The following SF1 variants were observed in gnomAD, a reference collection of about 807,000 sequenced individuals.
SF1 encodes the protein splicing factor 1.
A neutral mutation model predicts 62.5 loss-of-function variants in SF1; 7 were observed. The ratio of observed to expected loss-of-function variants is 0.11; its 90% CI spans 0.06 to 0.21. The LOEUF is 0.21. SF1 is among the 10% of genes least tolerant of loss of function. SF1 has a pLI of 1.00. For missense variants in SF1, 578 were observed against 884.0 expected (o/e 0.65, Z 4.39); for synonymous variants, 394 against 323.6 (o/e 1.22, Z -2.33).
At chr11:64,777,780 G>GGCCCCCC in intron 1 of SF1, 4 of 445,328 alleles carry the variant, frequency 9.0e-6, no homozygotes, top group Non-Finnish European at 1.1e-5. Context: ...AGCGCCTCCC[G>GGCCCCCC]CCCGCCCAGC....
chr11:64,772,957 A>G (rs1028870890), intron 3 of SF1: 2 of 987,448 alleles, frequency 2.0e-6, no homozygotes, highest in African/African-American at 3.5e-5. Context: ...TTTTGAAACC[A>G]TCTCAAAACC....
chr11:64,769,773 T>C, intron 5 of SF1, 164 bp from the exon 6 acceptor site: 2 of 761,636 alleles, frequency 2.6e-6, no homozygotes, highest in Non-Finnish European at 2.1e-6. Context: ...ACAGTAAACC[T>C]GAGGATTTGA....
At chr11:64,775,119 A>C (rs1938976747) in intron 2 of SF1, among the ~76,000 whole-genome samples, 1 of 152,154 alleles carries the variant, frequency 6.6e-6, no homozygotes, top group Admixed American at 6.5e-5. Flanking sequence ...TCGAGGTGAA[A>C]GTCACCTTCA....
intron 8 of SF1, 146 bp downstream of exon 8, chr11:64,768,876 T>A: frequency 5.8e-6 from 4 of 692,480 alleles, no homozygotes; most frequent in Non-Finnish European, 1.1e-5. Flanking sequence ...TTTCTAATCA[T>A]CCTGGGCTTT....
intron 8 of SF1, 89 bp downstream of exon 8, chr11:64,768,933 G>T: frequency 1.1e-6 from 1 of 877,684 alleles, no homozygotes; most frequent in Non-Finnish European, 2.0e-6. Context: ...TGTTTCTCTT[G>T]GTAAGATTAA....
chr11:64,765,999 C>T lies in SF1; in HGVS notation c.1739G>A (p.Gly580Glu). The T allele has an allele frequency of 6.2e-7, 1 of 1,606,684 alleles. No individual in the cohort carries two copies. Among genetic ancestry groups the T allele is most frequent in the Non-Finnish European group, 8.5e-7 (1 of 1,177,362 alleles). ...TGGAGGCGGCGGAGGGGGAGGGGCC[C>T]CAGGCGGCAGAGGCGGCTGGACCCC... is the stretch of plus-strand genomic sequence containing the variant. ...PPGVQPPLPP[G>E]APPPPPPPPP... Residue 580 changes from glycine (G) to glutamate (E), a missense_variant, in exon 13 of 13, where the codon GGG (glycine) becomes GAG (glutamate). By Grantham distance (98) the Gly-to-Glu change is moderately conservative. Around this residue, in one of 7 missense-constraint regions of SF1, gnomAD observed 410 missense variants for 452.4 expected, o/e 0.91. Transcript: ENST00000377390.
Position 64,765,347 on chromosome 11 carries a change from G to T in SF1, c.*471C>A. 1 of 754,918 alleles carries T rather than the reference G, an allele frequency of 1.3e-6. No homozygotes were observed. The highest frequency in any genetic ancestry group is 1.6e-5 in the South Asian group (1 of 61,632). The allele number at this position is 754,918 out of a possible 1,614,324, so 46.8% of individuals were successfully genotyped here. On this transcript the variant is annotated 3_prime_UTR_variant, in exon 13 of 13. Transcript: ENST00000377390. ...AGAAAAAAATTAATAAAAATTTCAC[G>T]ATATGGAGCCAGCGTGTTCCGATTC... is the stretch of plus-strand genomic sequence containing the variant.
intron 1 of SF1, chr11:64,777,539 G>T: frequency 1.0e-6 from 1 of 985,452 alleles, no homozygotes; most frequent in South Asian, 4.7e-5. Context: ...AGAAGCAGAG[G>T]AGCTATCCTT....
chr11:64,769,746 C>G (rs1937991132), intron 5 of SF1, 137 bp from the exon 6 acceptor site: 2 of 829,396 alleles, frequency 2.4e-6, no homozygotes, highest in African/African-American at 3.4e-5. Flanking sequence ...TCCATGAACT[C>G]TATATTATGG....
chr11:64,768,148 G>A lies in SF1; in HGVS notation c.1026C>T (p.Ser342=), dbSNP rs753308456. The change falls in exon 9 of 13, where the codon AGC becomes AGT. Residue 342 remains serine, a synonymous_variant. Coordinates refer to ENST00000377390, the MANE Select transcript of SF1 (RefSeq NM_004630.4). ...TSGPATTPLA[S]APRPAAPANN... ...TGGCGGGAGCAGCAGGACGAGGTGC[G>A]CTGGCCAGGGGTGTGGTGGCAGGCC... 1.6e-5 allele frequency: 25 copies of A among 1,612,870 alleles called. No homozygotes were observed. Among genetic ancestry groups the A allele is most frequent in the Middle Eastern group, 1.6e-4 (1 of 6,080 alleles).
chr11:64,774,640 G>A (rs927454312), intron 2 of SF1, among the ~76,000 whole-genome samples: 2 of 152,110 alleles, frequency 1.3e-5, no homozygotes, highest in African/African-American at 4.8e-5. Context: ...CTAAAACCCT[G>A]AAGAAATGAA....
chr11:64,777,923 C>G (rs1273650050), intron 1 of SF1: 14 of 968,014 alleles, frequency 1.4e-5, no homozygotes, highest in Non-Finnish European at 1.6e-5. Flanking sequence ...GCCGCCGCCG[C>G]GCGCCCCTCA....
intron 3 of SF1, chr11:64,772,097 A>T (rs1178554041): frequency 1.0e-6 from 1 of 985,352 alleles, no homozygotes; most frequent in Non-Finnish European, 1.2e-6. Flanking sequence ...CAGAAGTGAA[A>T]GGCAAAAGCT....
rs1295629539 is a variant in SF1 at position 64,778,503 on chromosome 11, C to G, written c.-111G>C. 3 of 1,178,664 alleles carry G rather than the reference C, an allele frequency of 2.5e-6. No homozygotes were observed. In the East Asian group the frequency reaches 1.1e-4, roughly 43 times the overall value. 73.0% of individuals were successfully genotyped at this position (1,178,664 alleles called of 1,614,324 possible). ...ATGCGCTGCCGGAGCGCGCGGAGCC[C>G]GTCCTCTCACGCGGCGGGCGGCGGC... On this transcript the variant is annotated 5_prime_UTR_variant, in exon 1 of 13. Coordinates refer to ENST00000377390, the MANE Select transcript of SF1 (RefSeq NM_004630.4).
rs1319831064 is a variant in SF1 at position 64,778,243 on chromosome 11, G to GGGCGGC, written c.31+113_31+118dup. The GGGCGGC allele has an allele frequency of 4.2e-6, 5 of 1,201,594 alleles. No homozygotes were observed. The Admixed American group carries it at 1.3e-4, about 32-fold the overall frequency. The allele number at this position is 1,201,594 out of a possible 1,614,324, so 74.4% of individuals were successfully genotyped here. On this transcript the variant is annotated intron_variant, in intron 1 of 12. Transcript: ENST00000377390. ...GGGCCCCCATCGAGCCCACGGGCGG[G>GGGCGGC]GGCGGCGGCGGCCCGGGAGCCAGCA...
chr11:64,776,732 G>T, intron 1 of SF1, 106 bp from the exon 2 acceptor site: 1 of 1,105,354 alleles, frequency 9.0e-7, no homozygotes, highest in Non-Finnish European at 1.3e-6. Context: ...CTGTGAAGCT[G>T]AGAGCTTAAC....
rs1433499738 is a variant in SF1 at position 64,766,629 on chromosome 11, G to A, written c.1582+271C>T. On this transcript the variant is annotated intron_variant, in intron 12 of 12. Coordinates refer to ENST00000377390, the MANE Select transcript of SF1 (RefSeq NM_004630.4). ...CCAGCCAGCCGCTCACTCAGCCTGC[G>A]AGGGTCTGGACTTCTGGCCCCCTAC... 10 of 431,308 alleles carry A rather than the reference G, an allele frequency of 2.3e-5. No homozygotes were observed. The East Asian group carries it at 2.6e-4, about 11-fold the overall frequency. 26.7% of individuals were successfully genotyped at this position (431,308 alleles called of 1,614,324 possible). A position where few individuals can be genotyped will look rare whatever the true frequency, so the allele number is the denominator to read the frequency against.
rs1214764886 is a variant in SF1, at chr11:64,767,945, TTCCCGAAGTGAGAAG to T, written c.1069-116_1069-102del. The T allele has an allele frequency of 3.3e-6, 5 of 1,504,088 alleles. No individual in the cohort carries two copies. The Admixed American group carries it at 9.5e-5, about 29-fold the overall frequency. 93.2% of individuals were successfully genotyped at this position (1,504,088 alleles called of 1,614,324 possible). ...AGGACCAGAACACAAGAACAAGGTC[TTCCCGAAGTGAGAAG>T]TCCCCAAACTGGCCTGAGATCCCGG... On this transcript the variant is annotated intron_variant, in intron 9 of 12. Transcript: ENST00000377390.
chr11:64,776,698 G>T, intron 1 of SF1, 72 bp from the exon 2 acceptor site: 1 of 1,451,852 alleles, frequency 6.9e-7, no homozygotes, highest in Non-Finnish European at 9.4e-7. Flanking sequence ...GGGTATTTAA[G>T]GTACTACACA....
Sources: allele counts gnomAD v4.1 joint callset (sites outside exome capture counted in the v4.1 genomes callset), GRCh38; gene constraint gnomAD v4.1.1; regional missense constraint gnomAD v4.1.1; transcripts MANE v1.5; gene names NCBI Gene and HGNC (gene_info 2026-07-23, HGNC 2026-07-21).